SPAG16: variants seen among roughly 807,000 people sequenced by gnomAD.
The protein encoded by SPAG16 is sperm-associated antigen 16 protein.
A neutral mutation model predicts 80.4 loss-of-function variants in SPAG16; 86 were observed. That is an observed-to-expected ratio of 1.07 (90% CI 0.90 to 1.28). SPAG16 has a LOEUF of 1.28. Ranked by LOEUF, SPAG16 falls within the 50% of genes most tolerant of loss-of-function variation. The pLI, the probability that SPAG16 is intolerant of heterozygous loss-of-function variation, is 0.00. For missense variants in SPAG16, 870 were observed against 765.3 expected, an observed-to-expected ratio of 1.14 and a Z score of -1.61; for synonymous variants, 294 against 265.9, an observed-to-expected ratio of 1.11 and a Z score of -1.03.
chr2:214,085,352 C>T (rs1465821047), intron 13 of SPAG16, among the ~76,000 whole-genome samples: 2 of 145,922 alleles, frequency 1.4e-5, no homozygotes, highest in African/African-American at 5.2e-5. Context: ...GCACTCCAGC[C>T]TGGTTGACAG....
intron 14 of SPAG16, among the ~76,000 whole-genome samples, chr2:214,143,608 T>C (rs1444176915): frequency 6.6e-6 from 1 of 152,186 alleles, no homozygotes; most frequent in Non-Finnish European, 1.5e-5. Context: ...TTTAAATTTC[T>C]ATATTTGTGA....
At chr2:214,277,102 G>A (rs1692526466) in intron 15 of SPAG16, among the ~76,000 whole-genome samples, 1 of 151,920 alleles carries the variant, frequency 6.6e-6, no homozygotes, top group Non-Finnish European at 1.5e-5. Flanking sequence ...TTGTGCATGT[G>A]TCACGTAGTT....
intron 12 of SPAG16, among the ~76,000 whole-genome samples, chr2:213,990,205 GT>G (rs1358852487): frequency 3.3e-5 from 5 of 152,074 alleles, no homozygotes; most frequent in Non-Finnish European, 5.9e-5. Context: ...CCCTAGAAAT[GT>G]GTTTTATATT....
chr2:213,770,206 T>C (rs2069165170), intron 10 of SPAG16, among the ~76,000 whole-genome samples: 1 of 152,208 alleles, frequency 6.6e-6, no homozygotes, highest in Non-Finnish European at 1.5e-5. Flanking sequence ...GAAAGTGCTA[T>C]AAACTTTCTT....
chr2:213,699,343 T>C (rs1017882293), intron 10 of SPAG16, among the ~76,000 whole-genome samples: 1 of 152,218 alleles, frequency 6.6e-6, no homozygotes, highest in Non-Finnish European at 1.5e-5. Context: ...TGCCAGGATC[T>C]GCTTCTTAGT....
intron 10 of SPAG16, among the ~76,000 whole-genome samples, chr2:213,718,625 T>C (rs1333441108): frequency 1.3e-5 from 2 of 152,116 alleles, no homozygotes; most frequent in Admixed American, 6.5e-5. Flanking sequence ...ATGGGGGACT[T>C]AGCACCCGGG....
chr2:213,317,539 T>C, intron 5 of SPAG16, 183 bp downstream of exon 5: 1 of 1,273,684 alleles, frequency 7.9e-7, no homozygotes, highest in Non-Finnish European at 9.9e-7. Flanking sequence ...ACTATCACAA[T>C]TATAACTTAC....
At chr2:213,893,514 C>A (rs1038317058) in intron 11 of SPAG16, among the ~76,000 whole-genome samples, 3 of 151,984 alleles carry the variant, frequency 2.0e-5, no homozygotes, top group Admixed American at 6.6e-5. Context: ...GTTACAGGAA[C>A]CTGTTAAGAG....
intron 15 of SPAG16, among the ~76,000 whole-genome samples, chr2:214,193,972 G>T (rs2057753327): frequency 6.6e-6 from 1 of 151,942 alleles, no homozygotes; most frequent in Non-Finnish European, 1.5e-5. Flanking sequence ...ATGCACCTTT[G>T]CACCAGAAAA....
At chr2:213,296,938 A>C (rs2062525638) in intron 2 of SPAG16, 1 of 548,158 alleles carries the variant, frequency 1.8e-6, no homozygotes, top group South Asian at 2.4e-5. Flanking sequence ...GGTGGAAAGC[A>C]CTTGAGATGG....
rs182622178 is a variant in SPAG16 at position 214,261,072 on chromosome 2, A to G, written c.1720+111806A>G. On this transcript the variant is annotated intron_variant, in intron 15 of 15. Coordinates refer to ENST00000331683, the MANE Select transcript of SPAG16 (RefSeq NM_024532.5). Reference sequence around the variant, plus strand: ...CAGTGAGCCGAGATCGCGCCACTGCACTCCAGCCTGGGCTACAAGAGCAAG... The same window carrying G: ...CAGTGAGCCGAGATCGCGCCACTGCGCTCCAGCCTGGGCTACAAGAGCAAG... 8.6e-4 allele frequency among the ~76,000 whole-genome samples: 120 copies of G among 138,752 alleles called. 2 individuals carry two copies. In the Middle Eastern group the frequency reaches 0.011, roughly 13 times the overall value. The allele number at this position is 138,752 out of a possible 152,430, so 91.0% of individuals were successfully genotyped here. A position where few individuals can be genotyped will look rare whatever the true frequency, so the allele number is the denominator to read the frequency against.
chr2:214,339,952 G>T (rs2126028505), intron 15 of SPAG16, among the ~76,000 whole-genome samples: 1 of 152,268 alleles, frequency 6.6e-6, no homozygotes, highest in East Asian at 1.9e-4. Flanking sequence ...AGCCACGTAA[G>T]CCCCTAAGCA....
At chr2:213,754,705 A>T (rs1013735587) in intron 10 of SPAG16, among the ~76,000 whole-genome samples, 19 of 18,660 alleles carry the variant, frequency 1.0e-3, no homozygotes, top group Non-Finnish European at 3.2e-3. Flanking sequence ...TTAATGTATC[A>T]CAGCCCAATG....
chr2:213,626,106 C>T (rs759322977), intron 10 of SPAG16, among the ~76,000 whole-genome samples: 15 of 151,958 alleles, frequency 9.9e-5, no homozygotes, highest in Non-Finnish European at 1.6e-4. Flanking sequence ...TATCATTGTT[C>T]ATATGGAACA....
At chr2:213,636,840 C>A (rs1574589999) in intron 10 of SPAG16, among the ~76,000 whole-genome samples, 1 of 152,234 alleles carries the variant, frequency 6.6e-6, no homozygotes, top group South Asian at 2.1e-4. Flanking sequence ...TTTATCATAT[C>A]TTGGAGCTTT....
chr2:213,533,419 T>A (rs2076138662), intron 10 of SPAG16, among the ~76,000 whole-genome samples: 1 of 152,170 alleles, frequency 6.6e-6, no homozygotes, highest in African/African-American at 2.4e-5. Flanking sequence ...TTATCTTCAC[T>A]GACAAACAAT....
chr2:213,485,449 A>G (rs111971721), intron 9 of SPAG16, among the ~76,000 whole-genome samples: 5 of 152,164 alleles, frequency 3.3e-5, no homozygotes, highest in African/African-American at 1.2e-4. Context: ...GTGTAATCAT[A>G]TCTGTAATTA....
intron 10 of SPAG16, among the ~76,000 whole-genome samples, chr2:213,591,456 TAG>T (rs2060687440): frequency 6.6e-6 from 1 of 152,160 alleles, no homozygotes; most frequent in African/African-American, 2.4e-5. Context: ...GGATCAAAAT[TAG>T]GGGTAAAATT....
At chr2:213,972,814 A>G (rs929393329) in intron 12 of SPAG16, among the ~76,000 whole-genome samples, 4 of 152,144 alleles carry the variant, frequency 2.6e-5, no homozygotes. Flanking sequence ...AAATATAACC[A>G]TATACTTTTT....
Sources: allele counts gnomAD v4.1 joint callset (sites outside exome capture counted in the v4.1 genomes callset), GRCh38; gene constraint gnomAD v4.1.1; transcripts MANE v1.5; gene names NCBI Gene and HGNC (gene_info 2026-07-23, HGNC 2026-07-21).